The following AGPAT4 variants were observed in gnomAD, a reference collection of about 807,000 sequenced individuals.
AGPAT4 encodes 1-acyl-sn-glycerol-3-phosphate acyltransferase delta.
A neutral mutation model predicts 48.0 loss-of-function variants in AGPAT4; 15 were observed. That is an observed-to-expected ratio of 0.31 (90% confidence interval 0.21 to 0.48). AGPAT4 has a LOEUF of 0.48. Ranked by LOEUF, AGPAT4 falls within the 20% of genes least tolerant of loss-of-function variation. The pLI is 0.99. For missense variants in AGPAT4, 314 were observed against 482.5 expected (o/e 0.65, Z 3.27); for synonymous variants, 178 against 198.7 (o/e 0.90, Z 0.88).
At position 161,130,270 on chromosome 6, in the gene AGPAT4, G is replaced by T. The variant is rs1266882614; in HGVS notation, c.*6270C>A. The T allele has an allele frequency of 6.6e-6, 1 of 152,248 alleles. No individual in the cohort carries two copies. The highest frequency in any genetic ancestry group is 1.5e-5 in the Non-Finnish European group (1 of 68,244). 9.4% of individuals were successfully genotyped at this position (152,248 alleles called of 1,614,324 possible). ...ACCTTGCTCTAATTCCAATTCATTC[G>T]TTCTCATAACTTATTTGAAAAGGCA... is the stretch of plus-strand genomic sequence containing the variant. On this transcript the variant is annotated 3_prime_UTR_variant, in exon 9 of 9. Transcript: ENST00000320285.
In AGPAT4 at chr6:161,132,832, T is replaced by G. The variant is rs1042350582; in HGVS notation, c.*3708A>C. On this transcript the variant is annotated 3_prime_UTR_variant, in exon 9 of 9. Transcript: ENST00000320285. Reference sequence around the variant, plus strand: ...CATTTTGGGGGGCTCTCCTAGAAGCTCTGGGGGAAGGAAGCAGTGGCCTCC... The same window carrying G: ...CATTTTGGGGGGCTCTCCTAGAAGCGCTGGGGGAAGGAAGCAGTGGCCTCC... 5.9e-5 allele frequency: 9 copies of G among 152,160 alleles called. No homozygotes were observed. Among genetic ancestry groups the G allele is most frequent in the African/African-American group, 2.2e-4 (9 of 41,420 alleles). The allele number at this position is 152,160 out of a possible 1,614,324, so 9.4% of individuals were successfully genotyped here. A position where few individuals can be genotyped will look rare whatever the true frequency, so the allele number is the denominator to read the frequency against.
Position 161,196,049 on chromosome 6 carries a change from T to C in AGPAT4, c.179-29632A>G, listed in dbSNP as rs1781057440. On this transcript the variant is annotated intron_variant, in intron 2 of 8. Transcript: ENST00000320285. The surrounding 1 kb of genome is among the most constrained non-coding windows in gnomAD (Gnocchi z 4.3). ...CCTGAAGGTGCCAGGACTTTAGGAT[T>C]TGCATAACTTAATGAGGCTTAATGA... Among the ~76,000 whole-genome samples the C allele has an allele frequency of 6.6e-6, 1 of 152,186 alleles. No homozygotes were observed. Among genetic ancestry groups the C allele is most frequent in the East Asian group, 1.9e-4 (1 of 5,192 alleles).
In AGPAT4 at chr6:161,137,293, C is replaced by G. The variant is rs1257261118; in HGVS notation, c.1043-659G>C. On this transcript the variant is annotated intron_variant, in intron 8 of 8. Coordinates refer to ENST00000320285, the MANE Select transcript of AGPAT4 (RefSeq NM_020133.3). This position sits in a 1 kb window ranked among gnomAD's most constrained non-coding sequence, Gnocchi z 6.1. ...TGGTGAGGTCCTTGGGTGCAGGGCC[C>G]AAGACTTAATCATTTGATGTGCTCA... 6.6e-6 allele frequency among the ~76,000 whole-genome samples: 1 copy of G among 152,128 alleles called. No individual in the cohort carries two copies. Among genetic ancestry groups the G allele is most frequent in the Non-Finnish European group, 1.5e-5 (1 of 68,042 alleles).
At position 161,165,628 on chromosome 6, in the gene AGPAT4, T is replaced by C; in HGVS notation, c.348+620A>G. Reference sequence around the variant, plus strand: ...AGCTATGTGACACAGGCTCAACCGCTACACGCTGCAGTGTGTTGAAGACGA... The same window carrying C: ...AGCTATGTGACACAGGCTCAACCGCCACACGCTGCAGTGTGTTGAAGACGA... On this transcript the variant is annotated intron_variant, in intron 3 of 8. Coordinates refer to ENST00000320285, the MANE Select transcript of AGPAT4 (RefSeq NM_020133.3). The surrounding 1 kb of genome is among the most constrained non-coding windows in gnomAD (Gnocchi z 5.5). 1.5e-6 allele frequency: 2 copies of C among 1,303,524 alleles called. No homozygotes were observed. Among genetic ancestry groups the C allele is most frequent in the Middle Eastern group, 2.3e-4 (1 of 4,418 alleles). 80.7% of individuals were successfully genotyped at this position (1,303,524 alleles called of 1,614,324 possible). A position where few individuals can be genotyped will look rare whatever the true frequency, so the allele number is the denominator to read the frequency against.
In AGPAT4 at chr6:161,232,210, C is replaced by T; in HGVS notation, c.4G>A (p.Asp2Asn). 1.9e-6 allele frequency: 3 copies of T among 1,613,706 alleles called. No homozygotes were observed. The highest frequency in any genetic ancestry group is 2.5e-6 in the Non-Finnish European group (3 of 1,179,906). The change falls in exon 2 of 9, where the codon GAC becomes AAC. Residue 2 changes from aspartate (D) to asparagine (N), a missense_variant. Asp to Asn is a conservative substitution (Grantham distance 23). Transcript: ENST00000320285. This position sits in a 1 kb window ranked among gnomAD's most constrained non-coding sequence, Gnocchi z 6.8. MDLAGLLKSQFL... is the reference protein window; with the variant it reads MNLAGLLKSQFL... ...TGAGACTTCAGCAGTCCCGCGAGGT[C>T]CATGATGCGTGGACGCTCTTATTCA... is the stretch of plus-strand genomic sequence containing the variant.
rs1217590647 is a variant in AGPAT4, at chr6:161,266,864, GGAGCCCATGGAGATGGGCAAGA to G, written c.-90+7052_-90+7073del. Among the ~76,000 whole-genome samples, 20 of 152,220 alleles carry G rather than the reference GGAGCCCATGGAGATGGGCAAGA, an allele frequency of 1.3e-4. No homozygotes were observed. Among genetic ancestry groups the G allele is most frequent in the Non-Finnish European group, 2.9e-5 (2 of 68,046 alleles). On this transcript the variant is annotated intron_variant, in intron 1 of 8. Coordinates refer to ENST00000320285, the MANE Select transcript of AGPAT4 (RefSeq NM_020133.3). This position sits in a 1 kb window ranked among gnomAD's most constrained non-coding sequence, Gnocchi z 6.2. ...CCCACAGAAGACTGACAGCTCACGA[GGAGCCCATGGAGATGGGCAAGA>G]GACCAAATTTCACTCCAGGATCAAT... is the stretch of plus-strand genomic sequence containing the variant.
chr6:161,258,977 T>C (rs1234297049), intron 1 of AGPAT4, among the ~76,000 whole-genome samples: 1 of 151,914 alleles, frequency 6.6e-6, no homozygotes, highest in East Asian at 1.9e-4. Context: ...TTTGTATTTT[T>C]AGTAGAGACA....
Position 161,267,906 on chromosome 6 carries a change from CT to C in AGPAT4, c.-90+6031del, listed in dbSNP as rs1485090808. ...CTCACTTTTAACATTTTAAACAAAACTAAAAAATAAATTTACCACATATCTG... is the reference window on the plus strand; with the variant it reads ...CTCACTTTTAACATTTTAAACAAAACAAAAAATAAATTTACCACATATCTG... On this transcript the variant is annotated intron_variant, in intron 1 of 8. Transcript: ENST00000320285. This position sits in a 1 kb window ranked among gnomAD's most constrained non-coding sequence, Gnocchi z 5.2. 3.3e-5 allele frequency among the ~76,000 whole-genome samples: 5 copies of C among 152,052 alleles called. No homozygotes were observed. The highest frequency in any genetic ancestry group is 5.9e-5 in the Non-Finnish European group (4 of 68,000).
chr6:161,265,749 G>A (rs1403498699), intron 1 of AGPAT4, among the ~76,000 whole-genome samples: 1 of 152,052 alleles, frequency 6.6e-6, no homozygotes, highest in Non-Finnish European at 1.5e-5. Flanking sequence ...GTGTGGAAGG[G>A]GTCCTATCAG....
rs559349757 is a variant in AGPAT4, at chr6:161,178,270, G to A, written c.179-11853C>T. ...AGGCATGCAGGCCTCCTTGAGCTGC[G>A]GTGGGCTCCACCCAATTCAAGCTTC... On this transcript the variant is annotated intron_variant, in intron 2 of 8. Transcript: ENST00000320285. The surrounding 1 kb of genome is among the most constrained non-coding windows in gnomAD (Gnocchi z 5.1). 1.3e-3 allele frequency among the ~76,000 whole-genome samples: 203 copies of A among 152,198 alleles called. 7 individuals are homozygous for A. In the South Asian group the frequency reaches 0.04, roughly 30 times the overall value.
In AGPAT4 at chr6:161,137,438, G is replaced by A. The variant is rs544621403; in HGVS notation, c.1043-804C>T. ...CACAGGATTATCTAGCATTAGCATC[G>A]CGGTCGATAAACTAACTGGGACATG... On this transcript the variant is annotated intron_variant, in intron 8 of 8. Transcript: ENST00000320285. The surrounding 1 kb of genome is among the most constrained non-coding windows in gnomAD (Gnocchi z 6.1). 5.1e-4 allele frequency among the ~76,000 whole-genome samples: 77 copies of A among 152,248 alleles called. No individual in the cohort carries two copies. Among genetic ancestry groups the A allele is most frequent in the African/African-American group, 1.7e-3 (69 of 41,560 alleles).
rs190609515 is a variant in AGPAT4, at chr6:161,264,177, G to A, written c.-90+9761C>T. Among the ~76,000 whole-genome samples, 5 of 152,276 alleles carry A rather than the reference G, an allele frequency of 3.3e-5. No homozygotes were observed. The highest frequency in any genetic ancestry group is 4.8e-5 in the African/African-American group (2 of 41,548). Reference sequence around the variant, plus strand: ...TTTGGGAAGAATATGATTGGAAAGTGACCTTCTTTCTCCCTATATTTACTA... The same window carrying A: ...TTTGGGAAGAATATGATTGGAAAGTAACCTTCTTTCTCCCTATATTTACTA... On this transcript the variant is annotated intron_variant, in intron 1 of 8. Transcript: ENST00000320285. The surrounding 1 kb of genome is among the most constrained non-coding windows in gnomAD (Gnocchi z 6.8).
intron 1 of AGPAT4, among the ~76,000 whole-genome samples, chr6:161,257,411 C>T (rs772762499): frequency 6.6e-6 from 1 of 152,168 alleles, no homozygotes; most frequent in Non-Finnish European, 1.5e-5. Flanking sequence ...CACTGATTGT[C>T]TGAGCTACAG....
At chr6:161,271,762 T>G (rs112633677) in intron 1 of AGPAT4, among the ~76,000 whole-genome samples, 11 of 152,342 alleles carry the variant, frequency 7.2e-5, no homozygotes, top group African/African-American at 2.6e-4. Flanking sequence ...TTCTATTCCA[T>G]TAGGCTTTTT....
intron 1 of AGPAT4, among the ~76,000 whole-genome samples, chr6:161,271,509 C>T (rs1299995144): frequency 6.6e-6 from 1 of 152,174 alleles, no homozygotes; most frequent in African/African-American, 2.4e-5. Flanking sequence ...CAGTAAAATC[C>T]CAATAAAATG....
rs1783182052 is a variant in AGPAT4, at chr6:161,264,196, T to C, written c.-90+9742A>G. Among the ~76,000 whole-genome samples the C allele has an allele frequency of 6.6e-6, 1 of 152,166 alleles. No homozygotes were observed. Among genetic ancestry groups the C allele is most frequent in the Non-Finnish European group, 1.5e-5 (1 of 68,036 alleles). ...GAAAGTGACCTTCTTTCTCCCTATA[T>C]TTACTATCTCAGGGCGTCAAAGACA... is the stretch of plus-strand genomic sequence containing the variant. On this transcript the variant is annotated intron_variant, in intron 1 of 8. Coordinates refer to ENST00000320285, the MANE Select transcript of AGPAT4 (RefSeq NM_020133.3). The surrounding 1 kb of genome is among the most constrained non-coding windows in gnomAD (Gnocchi z 6.8).
chr6:161,166,468 G>A lies in AGPAT4; in HGVS notation c.179-51C>T. 6.5e-7 allele frequency: 1 copy of A among 1,540,494 alleles called. No homozygotes were observed. The highest frequency in any genetic ancestry group is 8.7e-7 in the Non-Finnish European group (1 of 1,144,756). On this transcript the variant is annotated intron_variant, in intron 2 of 8. Coordinates refer to ENST00000320285, the MANE Select transcript of AGPAT4 (RefSeq NM_020133.3). The surrounding 1 kb of genome is among the most constrained non-coding windows in gnomAD (Gnocchi z 6.7). ...GTTTACTACATGCAGCCTTGTCCTGGGAGCCCTGCTGAGAGCAGGGCTCTG... is the reference window on the plus strand; with the variant it reads ...GTTTACTACATGCAGCCTTGTCCTGAGAGCCCTGCTGAGAGCAGGGCTCTG...
Position 161,165,776 on chromosome 6 carries a change from C to A in AGPAT4, c.348+472G>T, listed in dbSNP as rs1215159163. 1.6e-6 allele frequency: 1 copy of A among 609,198 alleles called. No individual in the cohort carries two copies. Among genetic ancestry groups the A allele is most frequent in the Non-Finnish European group, 2.9e-6 (1 of 345,698 alleles). 37.7% of individuals were successfully genotyped at this position (609,198 alleles called of 1,614,324 possible). A position where few individuals can be genotyped will look rare whatever the true frequency, so the allele number is the denominator to read the frequency against. On this transcript the variant is annotated intron_variant, in intron 3 of 8. Coordinates refer to ENST00000320285, the MANE Select transcript of AGPAT4 (RefSeq NM_020133.3). The surrounding 1 kb of genome is among the most constrained non-coding windows in gnomAD (Gnocchi z 5.5). ...TTCTGAATTTTGCAGTTCACTCTCT[C>A]ACTTATGGACTCAAAGTTCTTAAGC...
chr6:161,242,976 T>C lies in AGPAT4; in HGVS notation c.-89-10674A>G, dbSNP rs978119534. ...TACTCGGGAGACTGAAGCAGGAGAA[T>C]TGATTGAACCCAGGAGGTGGAGGTT... On this transcript the variant is annotated intron_variant, in intron 1 of 8. Transcript: ENST00000320285. This position sits in a 1 kb window ranked among gnomAD's most constrained non-coding sequence, Gnocchi z 5.0. Among the ~76,000 whole-genome samples the C allele has an allele frequency of 5.3e-5, 8 of 151,890 alleles. No individual in the cohort carries two copies. The highest frequency in any genetic ancestry group is 1.2e-4 in the African/African-American group (5 of 41,332).
Sources: gnomAD v4.1 joint callset for allele counts (sites outside exome capture counted in the v4.1 genomes callset) on GRCh38, gnomAD v4.1.1 for gene constraint, Gnocchi (gnomAD v3.1) non-coding constraint, MANE v1.5 for transcripts, NCBI Gene and HGNC (gene_info 2026-07-23, HGNC 2026-07-21) for gene names.